GPR19: variants seen among roughly 807,000 people sequenced by gnomAD.
GPR19 encodes G protein-coupled receptor 19, also known as probable G protein-coupled receptor 19.
Under a neutral mutation model 28.5 loss-of-function variants are expected in GPR19, and 14 were observed. The observed-to-expected ratio is 0.49, with a 90% CI of 0.32 to 0.77. The LOEUF is 0.77. Ranked by LOEUF, GPR19 falls within the 30% of genes least tolerant of loss-of-function variation. GPR19 has a pLI of 0.03. For synonymous variants in GPR19, 173 were observed against 184.1 expected (o/e 0.94, Z 0.49); for missense variants, 409 against 504.1 (o/e 0.81, Z 1.81).
the GPR19 span, among the ~76,000 whole-genome samples, chr12:12,701,420 A>G: frequency 6.6e-6 from 1 of 152,190 alleles, no homozygotes; most frequent in African/African-American, 2.4e-5. Flanking sequence ...AATAATGACT[A>G]TATCTGGCAT....
Position 12,661,897 on chromosome 12 carries a change from A to C in GPR19, c.552T>G (p.Ile184Met). ...CTGCATCAAAGACCCACGATGCCGCAATCATTTTCTTGGCTTTTTCTCTGG... is the reference window on the plus strand; with the variant it reads ...CTGCATCAAAGACCCACGATGCCGCCATCATTTTCTTGGCTTTTTCTCTGG... ...KVSREKAKKM[I>M]AASWVFDAGF... Residue 184 changes from isoleucine (I) to methionine (M), a missense_variant, in exon 4 of 4, where the codon ATT becomes ATG. Ile to Met is a conservative substitution (Grantham distance 10). Coordinates refer to ENST00000651487, the MANE Select transcript of GPR19 (RefSeq NM_006143.3). The surrounding 1 kb of genome is among the most constrained non-coding windows in gnomAD (Gnocchi z 4.2). 6.2e-7 allele frequency: 1 copy of C among 1,614,212 alleles called. No homozygotes were observed. The highest frequency in any genetic ancestry group is 1.6e-4 in the Middle Eastern group (1 of 6,062).
At chr12:12,689,507 G>A (rs1946151741) in intron 2 of GPR19, among the ~76,000 whole-genome samples, 1 of 151,872 alleles carries the variant, frequency 6.6e-6, no homozygotes, top group Non-Finnish European at 1.5e-5. Context: ...TATGAAAGAT[G>A]AAACATTTCA....
At chr12:12,682,666 T>C (rs566239138) in intron 3 of GPR19, among the ~76,000 whole-genome samples, 1 of 152,294 alleles carries the variant, frequency 6.6e-6, no homozygotes, top group South Asian at 2.1e-4. Context: ...AGTTCAATAT[T>C]GTAGGGGACA....
the GPR19 span, among the ~76,000 whole-genome samples, chr12:12,707,797 C>T: frequency 1.1e-4 from 16 of 151,764 alleles, no homozygotes; most frequent in South Asian, 1.0e-3. Context: ...TAGCTCACTG[C>T]GGGGTCAAAC....
intron 2 of GPR19, among the ~76,000 whole-genome samples, chr12:12,686,886 T>C (rs1460651404): frequency 3.3e-5 from 5 of 152,348 alleles, no homozygotes; most frequent in South Asian, 2.1e-4. Context: ...ATGTATATAT[T>C]ATGGCTTAAT....
At chr12:12,675,360 T>C (rs1004509253) in intron 3 of GPR19, among the ~76,000 whole-genome samples, 4 of 152,132 alleles carry the variant, frequency 2.6e-5, no homozygotes, top group African/African-American at 9.7e-5. Flanking sequence ...GATGTTCCCA[T>C]CAGCCTGGTA....
At chr12:12,716,411 CAGGT>C in the GPR19 span, among the ~76,000 whole-genome samples, 39 of 152,074 alleles carry the variant, frequency 2.6e-4, no homozygotes, top group African/African-American at 8.7e-4. Context: ...CGGCTGGACT[CAGGT>C]AGAGGAAACT....
At position 12,660,958 on chromosome 12, in the gene GPR19, G is replaced by T; in HGVS notation, c.*243C>A. ...AGTAAGAAAGCATTTTCTTTTTTAT[G>T]CATGTAACTAATATATTAATAGTAA... is the stretch of plus-strand genomic sequence containing the variant. On this transcript the variant is annotated 3_prime_UTR_variant, in exon 4 of 4. Coordinates refer to ENST00000651487, the MANE Select transcript of GPR19 (RefSeq NM_006143.3). 1 of 373,162 alleles carries T rather than the reference G, an allele frequency of 2.7e-6. No homozygotes were observed. Among genetic ancestry groups the T allele is most frequent in the Non-Finnish European group, 4.8e-6 (1 of 210,062 alleles). The allele number at this position is 373,162 out of a possible 1,614,324, so 23.1% of individuals were successfully genotyped here. A position where few individuals can be genotyped will look rare whatever the true frequency, so the allele number is the denominator to read the frequency against.
At chr12:12,683,296 C>A (rs1183632683) in intron 3 of GPR19, among the ~76,000 whole-genome samples, 1 of 152,168 alleles carries the variant, frequency 6.6e-6, no homozygotes, top group South Asian at 2.1e-4. Context: ...ATATAGATTT[C>A]TTTGGGGATC....
At chr12:12,712,931 G>T in the GPR19 span, among the ~76,000 whole-genome samples, 2 of 152,018 alleles carry the variant, frequency 1.3e-5, no homozygotes, top group Admixed American at 1.3e-4. Flanking sequence ...TAATGCCTTG[G>T]ACAATACCTT....
chr12:12,701,166 G>A (rs1176146124), upstream of GPR19, among the ~76,000 whole-genome samples: 1 of 152,172 alleles, frequency 6.6e-6, no homozygotes, highest in Non-Finnish European at 1.5e-5. Context: ...AGAACTTAAT[G>A]TTGTAAAAAA....
the GPR19 span, chr12:12,716,993 C>T: frequency 7.0e-6 from 7 of 995,332 alleles, no homozygotes; most frequent in African/African-American, 3.5e-5. Flanking sequence ...CAGGTCCCGG[C>T]TTCCCGGGCG....
chr12:12,688,711 A>G (rs16908338), intron 2 of GPR19: 8,214 of 152,366 alleles, frequency 0.054, 702 homozygotes, highest in African/African-American at 0.19. Flanking sequence ...ATGCTGAACT[A>G]ACAGCCAGTA....
intron 3 of GPR19, among the ~76,000 whole-genome samples, chr12:12,677,598 G>T (rs1430969140): frequency 1.3e-5 from 2 of 151,936 alleles, no homozygotes; most frequent in African/African-American, 2.4e-5. Flanking sequence ...ATTTAATATC[G>T]CATTAACATG....
the GPR19 span, chr12:12,716,629 C>G: frequency 1.5e-5 from 5 of 327,078 alleles, no homozygotes; most frequent in Non-Finnish European, 2.1e-5. Context: ...TTTTTTTAAT[C>G]TTGAGTTCCT....
At chr12:12,707,989 C>CTTT in the GPR19 span, among the ~76,000 whole-genome samples, 106 of 62,452 alleles carry the variant, frequency 1.7e-3, 27 homozygotes, top group East Asian at 6.5e-3. Flanking sequence ...ATTTCCTATT[C>CTTT]TTTTTTTTTT....
At chr12:12,709,066 A>T in the GPR19 span, among the ~76,000 whole-genome samples, 8 of 152,094 alleles carry the variant, frequency 5.3e-5, no homozygotes, top group African/African-American at 1.9e-4. Flanking sequence ...AAAAAAAATT[A>T]AAGTATTACG....
In GPR19 at chr12:12,664,092, C is replaced by A. The variant is rs555424212; in HGVS notation, c.-22-1622G>T. 5.3e-5 allele frequency among the ~76,000 whole-genome samples: 8 copies of A among 152,260 alleles called. No homozygotes were observed. The East Asian group carries it at 1.5e-3, about 29-fold the overall frequency. The stretch of plus-strand genomic sequence containing the variant: ...CAATGCAACCTCCCCCTCCCAGGTT[C>A]AATTCTTGTGTCTCAGCCTCTCGAG... On this transcript the variant is annotated intron_variant, in intron 3 of 3. Transcript: ENST00000651487.
chr12:12,689,847 C>G (rs1400148184), intron 2 of GPR19, among the ~76,000 whole-genome samples: 1 of 152,202 alleles, frequency 6.6e-6, no homozygotes, highest in East Asian at 1.9e-4. Context: ...AGCCAGCTAC[C>G]ACGTCATAAG....
Sources: allele counts gnomAD v4.1 joint callset (sites outside exome capture counted in the v4.1 genomes callset), GRCh38; gene constraint gnomAD v4.1.1; non-coding constraint Gnocchi (gnomAD v3.1); transcripts MANE v1.5; gene names NCBI Gene and HGNC (gene_info 2026-07-23, HGNC 2026-07-21).